The following MYO3B variants were observed in gnomAD, a reference collection of about 807,000 sequenced individuals.
The protein encoded by MYO3B is myosin-IIIb.
A neutral mutation model predicts 174.6 loss-of-function variants in MYO3B; 156 were observed. The observed-to-expected ratio is 0.89, with a 90% confidence interval of 0.78 to 1.02. The LOEUF (loss-of-function observed/expected upper bound fraction) is 1.02. MYO3B is among the 50% of genes least tolerant of loss of function. MYO3B has a pLI of 0.00. For missense variants in MYO3B, 1,632 were observed against 1,639.4 expected, an observed-to-expected ratio of 1.00 and a Z score of 0.08; for synonymous variants, 563 against 569.1, an observed-to-expected ratio of 0.99 and a Z score of 0.15.
chr2:170,592,289 G>A (rs150406325), intron 32 of MYO3B, among the ~76,000 whole-genome samples: 7 of 152,274 alleles, frequency 4.6e-5, no homozygotes, highest in African/African-American at 1.4e-4. Flanking sequence ...TGGTGGTAAA[G>A]GGCCAACCTG....
chr2:170,201,916 C>A (rs2092666331), intron 3 of MYO3B, among the ~76,000 whole-genome samples: 1 of 152,100 alleles, frequency 6.6e-6, no homozygotes, highest in Non-Finnish European at 1.5e-5. Flanking sequence ...TTTTTAACTC[C>A]TGACTAAAAA....
intron 8 of MYO3B, among the ~76,000 whole-genome samples, chr2:170,359,199 A>T (rs561216367): frequency 1.3e-5 from 2 of 152,292 alleles, no homozygotes; most frequent in African/African-American, 4.8e-5. Context: ...GGTAGTGAAG[A>T]TAAAAGATTT....
intron 22 of MYO3B, among the ~76,000 whole-genome samples, chr2:170,415,360 A>C (rs930879185): frequency 3.3e-5 from 5 of 152,154 alleles, no homozygotes; most frequent in African/African-American, 1.2e-4. Context: ...CAACCTATTC[A>C]ACATTTTATA....
At chr2:170,200,675 C>T (rs1303517822) in intron 3 of MYO3B, among the ~76,000 whole-genome samples, 1 of 152,126 alleles carries the variant, frequency 6.6e-6, no homozygotes, top group Non-Finnish European at 1.5e-5. Flanking sequence ...GTTCATTAGT[C>T]CTCATTTTAG....
chr2:170,462,375 C>G (rs1402228720), intron 23 of MYO3B, among the ~76,000 whole-genome samples: 2 of 152,168 alleles, frequency 1.3e-5, no homozygotes, highest in Non-Finnish European at 2.9e-5. Flanking sequence ...TTTTCTTTAC[C>G]CATCCCAGAT....
At chr2:170,414,996 G>A (rs894128729) in intron 22 of MYO3B, among the ~76,000 whole-genome samples, 3 of 152,194 alleles carry the variant, frequency 2.0e-5, no homozygotes, top group African/African-American at 4.8e-5. Flanking sequence ...GGGATTTTCT[G>A]TATAGATAAT....
At chr2:170,424,648 T>A (rs2094646817) in intron 22 of MYO3B, among the ~76,000 whole-genome samples, 1 of 152,128 alleles carries the variant, frequency 6.6e-6, no homozygotes, top group Non-Finnish European at 1.5e-5. Context: ...CAAACTTTAA[T>A]AATGAGTTAT....
chr2:170,207,192 G>A (rs2092721886), intron 3 of MYO3B, among the ~76,000 whole-genome samples: 1 of 151,974 alleles, frequency 6.6e-6, no homozygotes, highest in African/African-American at 2.4e-5. Flanking sequence ...CTCCCAGAGG[G>A]AGCATCCTCA....
intron 29 of MYO3B, among the ~76,000 whole-genome samples, chr2:170,518,254 C>T (rs1688448007): frequency 6.6e-6 from 1 of 152,160 alleles, no homozygotes; most frequent in East Asian, 1.9e-4. Context: ...TTTTTCTACA[C>T]TCCATTTCTA....
intron 9 of MYO3B, among the ~76,000 whole-genome samples, chr2:170,374,916 G>A (rs1471312852): frequency 6.6e-6 from 1 of 152,064 alleles, no homozygotes; most frequent in Non-Finnish European, 1.5e-5. Flanking sequence ...GACATCATTG[G>A]AATTTAAGTT....
At chr2:170,332,271 G>A (rs1215236397) in intron 7 of MYO3B, 1 of 152,074 alleles carries the variant, frequency 6.6e-6, no homozygotes, top group Non-Finnish European at 1.5e-5. Flanking sequence ...GTAGTCAGAT[G>A]CACCAGCTAA....
At chr2:170,283,174 A>G (rs946817363) in intron 7 of MYO3B, among the ~76,000 whole-genome samples, 3 of 152,126 alleles carry the variant, frequency 2.0e-5, no homozygotes, top group African/African-American at 7.2e-5. Flanking sequence ...CTCTAGGGCA[A>G]TGATATTGTA....
chr2:170,312,284 G>A (rs2093745370), intron 7 of MYO3B, among the ~76,000 whole-genome samples: 1 of 152,224 alleles, frequency 6.6e-6, no homozygotes, highest in Non-Finnish European at 1.5e-5. Context: ...ATTGATAGAA[G>A]GGAGCTGAAA....
At position 170,607,128 on chromosome 2, in the gene MYO3B, T is replaced by C. The variant is rs1000894624; in HGVS notation, c.3734-44500T>C. On this transcript the variant is annotated intron_variant, in intron 32 of 34. Coordinates refer to ENST00000408978, the MANE Select transcript of MYO3B (RefSeq NM_138995.5). ...AAAAGCATTCATGAGTAGAAACTTA[T>C]ATTCCTATTTTCTCAGTTATAATAA... is the stretch of plus-strand genomic sequence containing the variant. Among the ~76,000 whole-genome samples, 7 of 152,240 alleles carry C rather than the reference T, an allele frequency of 4.6e-5. 1 individual carries two copies. The South Asian group carries it at 1.2e-3, about 27-fold the overall frequency.
intron 9 of MYO3B, among the ~76,000 whole-genome samples, chr2:170,372,138 AAAAAAAAC>A: frequency 6.7e-6 from 1 of 148,630 alleles, no homozygotes; most frequent in Non-Finnish European, 1.5e-5. Flanking sequence ...AAAAAAAAAA[AAAAAAAAC>A]AACAACAACA....
intron 30 of MYO3B, among the ~76,000 whole-genome samples, chr2:170,542,464 C>G (rs1575140217): frequency 6.6e-6 from 1 of 152,172 alleles, no homozygotes; most frequent in African/African-American, 2.4e-5. Flanking sequence ...AGTAAGGAAA[C>G]CTTTCAAACT....
At chr2:170,293,476 G>C (rs2093609237) in intron 7 of MYO3B, among the ~76,000 whole-genome samples, 1 of 152,096 alleles carries the variant, frequency 6.6e-6, no homozygotes. Flanking sequence ...TGTTTTCACA[G>C]ATATTTTTTG....
At chr2:170,649,015 T>G (rs1457950207) in intron 32 of MYO3B, among the ~76,000 whole-genome samples, 2 of 79,934 alleles carry the variant, frequency 2.5e-5, no homozygotes, top group African/African-American at 1.0e-4. Flanking sequence ...TAATATATAA[T>G]GTATAATATA....
chr2:170,479,996 ATG>A lies in MYO3B; in HGVS notation c.3014+13291_3014+13292del, dbSNP rs1575047860. Among the ~76,000 whole-genome samples, 3 of 147,768 alleles carry A rather than the reference ATG, an allele frequency of 2.0e-5. No homozygotes were observed. In the East Asian group the frequency reaches 5.9e-4, roughly 29 times the overall value. On this transcript the variant is annotated intron_variant, in intron 25 of 34. Coordinates refer to ENST00000408978, the MANE Select transcript of MYO3B (RefSeq NM_138995.5). ...ATGTATATATATTAAACCTATATAT[ATG>A]TGTGTATGTATATATATTAAACCTA...
Sources: allele counts gnomAD v4.1 joint callset (sites outside exome capture counted in the v4.1 genomes callset), GRCh38; gene constraint gnomAD v4.1.1; transcripts MANE v1.5; gene names NCBI Gene and HGNC (gene_info 2026-07-23, HGNC 2026-07-21).